FRMD8: variants seen among roughly 807,000 people sequenced by gnomAD.
FRMD8 encodes FERM domain containing 8, also known as FERM domain-containing protein 8.
In FRMD8, 37 loss-of-function variants were observed where a neutral mutation model predicts 54.2. The ratio of observed to expected loss-of-function variants is 0.68; its 90% CI spans 0.53 to 0.90. FRMD8 has a LOEUF of 0.90. Ranked by LOEUF, FRMD8 falls within the 40% of genes least tolerant of loss-of-function variation. The probability of loss-of-function intolerance (pLI) is 0.00; values close to 1 mark genes in which losing one functional copy is unlikely to be tolerated. For synonymous variants in FRMD8, 246 were observed against 286.9 expected (o/e 0.86, Z 1.44); for missense variants, 585 against 653.7 (o/e 0.89, Z 1.15).
At position 65,405,088 on chromosome 11, in the gene FRMD8, A is replaced by C. The variant is rs747660281; in HGVS notation, c.1276+20A>C. 6.2e-7 allele frequency: 1 copy of C among 1,610,502 alleles called. No individual in the cohort carries two copies. The highest frequency in any genetic ancestry group is 1.1e-5 in the South Asian group (1 of 91,018). On this transcript the variant is annotated intron_variant, in intron 10 of 10. Transcript: ENST00000317568. ...AGGACGGTGAGCAGCCCTTCTGTGC[A>C]TGTGCACACACAAACACGCATGCGC...
intron 8 of FRMD8, 98 bp downstream of exon 8, chr11:65,399,957 GT>G: frequency 2.1e-6 from 3 of 1,428,870 alleles, no homozygotes; most frequent in Non-Finnish European, 2.8e-6. Context: ...TGGGGGCAAG[GT>G]GGATGGACTG....
chr11:65,397,994 G>A (rs1855993544), intron 7 of FRMD8, among the ~76,000 whole-genome samples: 2 of 150,992 alleles, frequency 1.3e-5, no homozygotes, highest in Admixed American at 1.3e-4. Context: ...TCCTGCCTCA[G>A]CCTCCCAAGT....
chr11:65,384,902 C>T (rs114424747), upstream of FRMD8, among the ~76,000 whole-genome samples: 506 of 152,132 alleles, frequency 3.3e-3, 5 homozygotes, highest in African/African-American at 0.011. Flanking sequence ...TTACAGATGG[C>T]GTCTCACTAT....
At chr11:65,407,532 T>C (rs1167891725) in intron 10 of FRMD8, among the ~76,000 whole-genome samples, 1 of 151,710 alleles carries the variant, frequency 6.6e-6, no homozygotes, top group Admixed American at 6.6e-5. Flanking sequence ...GATTACAGTG[T>C]GAGCCACCGC....
Position 65,394,089 on chromosome 11 carries a change from G to A in FRMD8, c.404G>A (p.Arg135Gln), listed in dbSNP as rs753841492. The A allele has an allele frequency of 7.4e-6, 12 of 1,613,904 alleles. No homozygotes were observed. Among genetic ancestry groups the A allele is most frequent in the Admixed American group, 3.3e-5 (2 of 59,998 alleles). Residue 135 changes from arginine to glutamine, a missense_variant, in exon 5 of 11, where the codon CGG (arginine) becomes CAG (glutamine). Coordinates refer to ENST00000317568, the MANE Select transcript of FRMD8 (RefSeq NM_031904.5). ...AGGAACGTGTTCTTCCCAAAGCGGC[G>A]GGAGCTCCAGGTGAGGCAGGAGCCC... ...FRRNVFFPKR[R>Q]ELQIHDEEVL...
At chr11:65,407,212 C>T (rs905328026) in intron 10 of FRMD8, among the ~76,000 whole-genome samples, 2 of 146,782 alleles carry the variant, frequency 1.4e-5, no homozygotes, top group Admixed American at 7.1e-5. Flanking sequence ...TTTTTTAATG[C>T]AGTAACAAAG....
the FRMD8 span, among the ~76,000 whole-genome samples, chr11:65,371,776 G>A: frequency 1.3e-5 from 2 of 152,134 alleles, no homozygotes; most frequent in East Asian, 1.9e-4. Flanking sequence ...CACCATGCCC[G>A]GCTAATTTTT....
rs139175915 is a variant in FRMD8 at position 65,395,967 on chromosome 11, G to A, written c.582-832G>A. 5.7e-4 allele frequency among the ~76,000 whole-genome samples: 86 copies of A among 152,192 alleles called. 1 individual carries two copies. Among genetic ancestry groups the A allele is most frequent in the Middle Eastern group, 3.4e-3 (1 of 294 alleles). ...GCTGCAGACCTGGGCCCATCTCCTG[G>A]GCCTCCTTCACTCGCCTGGCTGCCC... On this transcript the variant is annotated intron_variant, in intron 6 of 10. Coordinates refer to ENST00000317568, the MANE Select transcript of FRMD8 (RefSeq NM_031904.5).
At position 65,386,732 on chromosome 11, in the gene FRMD8, C is replaced by T. The variant is rs962491850; in HGVS notation, c.-30C>T. 2.5e-6 allele frequency: 1 copy of T among 401,664 alleles called. No homozygotes were observed. Among genetic ancestry groups the T allele is most frequent in the East Asian group, 4.0e-5 (1 of 25,124 alleles). 24.9% of individuals were successfully genotyped at this position (401,664 alleles called of 1,614,324 possible). ...AGGATTCCAGGCAGGAGCCTTGCCT[C>T]TCAGGTGGCGGGCTCTGCGACCCTG... On this transcript the variant is annotated 5_prime_UTR_variant, in exon 1 of 11. Transcript: ENST00000317568.
At chr11:65,384,498 AG>A, upstream of FRMD8, among the ~76,000 whole-genome samples, 1 of 152,090 alleles carries the variant, frequency 6.6e-6, no homozygotes, top group Admixed American at 6.6e-5. Flanking sequence ...CTCACCTCTT[AG>A]TGAGTTCTAA....
intron 3 of FRMD8, among the ~76,000 whole-genome samples, chr11:65,389,901 C>T (rs1191668458): frequency 2.6e-5 from 4 of 152,202 alleles, no homozygotes; most frequent in East Asian, 1.9e-4. Context: ...TTCACCTTGT[C>T]CTCAGGCCTA....
At chr11:65,381,976 G>A (rs1855589459), upstream of FRMD8, 1 of 1,609,042 alleles carries the variant, frequency 6.2e-7, no homozygotes, top group African/African-American at 1.3e-5. Context: ...GGAACTGGTG[G>A]CTCCAGCAGA....
At chr11:65,407,477 C>T (rs1347082593) in intron 10 of FRMD8, among the ~76,000 whole-genome samples, 1 of 151,954 alleles carries the variant, frequency 6.6e-6, no homozygotes, top group Non-Finnish European at 1.5e-5. Flanking sequence ...GTCTCAAACT[C>T]CTGACCTCAA....
the FRMD8 span, among the ~76,000 whole-genome samples, chr11:65,371,714 G>A: frequency 5.3e-5 from 8 of 152,204 alleles, no homozygotes; most frequent in Admixed American, 2.0e-4. Flanking sequence ...TCTCTGGTTC[G>A]GGTGATTCTC....
chr11:65,410,086 C>CG (rs996009653), intron 10 of FRMD8, among the ~76,000 whole-genome samples: 1 of 151,932 alleles, frequency 6.6e-6, no homozygotes, highest in Non-Finnish European at 1.5e-5. Flanking sequence ...ACCACAAAGG[C>CG]GGGACATGGT....
chr11:65,408,907 G>A (rs555156119), intron 10 of FRMD8, among the ~76,000 whole-genome samples: 196 of 152,036 alleles, frequency 1.3e-3, no homozygotes, highest in African/African-American at 4.3e-3. Context: ...ACCGTGCCTG[G>A]CCGATATGCT....
chr11:65,398,480 G>C (rs1002615929), intron 7 of FRMD8, among the ~76,000 whole-genome samples: 5 of 152,250 alleles, frequency 3.3e-5, no homozygotes, highest in Non-Finnish European at 7.3e-5. Flanking sequence ...CAGGTGAGAA[G>C]GGGCCCTGGG....
intron 10 of FRMD8, among the ~76,000 whole-genome samples, chr11:65,409,082 G>C (rs1191203488): frequency 6.6e-6 from 1 of 151,794 alleles, no homozygotes; most frequent in Non-Finnish European, 1.5e-5. Context: ...TGAACACAAT[G>C]AGATTGGAAA....
rs1489452639 is a variant in FRMD8, at chr11:65,413,334, G to A, written c.*1974G>A. 1 of 152,242 alleles carries A rather than the reference G, an allele frequency of 6.6e-6. No individual in the cohort carries two copies. The highest frequency in any genetic ancestry group is 6.5e-5 in the Admixed American group (1 of 15,278). The allele number at this position is 152,242 out of a possible 1,614,324, so 9.4% of individuals were successfully genotyped here. A position where few individuals can be genotyped will look rare whatever the true frequency, so the allele number is the denominator to read the frequency against. On this transcript the variant is annotated 3_prime_UTR_variant, in exon 11 of 11. Transcript: ENST00000317568. ...GATGGGCGGGCGAGGGTGTGTTCGT[G>A]TGATGGGTTGGAGTGTGTGTGTCTG...
Sources: allele counts gnomAD v4.1 joint callset (sites outside exome capture counted in the v4.1 genomes callset), GRCh38; gene constraint gnomAD v4.1.1; transcripts MANE v1.5; gene names NCBI Gene and HGNC (gene_info 2026-07-23, HGNC 2026-07-21).